The following PREPL variants were observed in gnomAD, a reference collection of about 807,000 sequenced individuals.
The protein encoded by PREPL is prolyl endopeptidase like.
In PREPL, 77 loss-of-function variants were observed where a neutral mutation model predicts 70.6. The ratio of observed to expected loss-of-function variants is 1.09; its 90% confidence interval spans 0.91 to 1.32. The LOEUF (loss-of-function observed/expected upper bound fraction) is 1.32. PREPL is among the 40% of genes most tolerant of loss of function. The pLI, the probability that PREPL is intolerant of heterozygous loss-of-function variation, is 0.00. For synonymous variants in PREPL, 315 were observed against 264.8 expected (o/e 1.19, Z -1.84); for missense variants, 1,002 against 778.2 (o/e 1.29, Z -3.42).
At position 44,319,971 on chromosome 2, in the gene PREPL, T is replaced by G. The variant is rs1022488029; in HGVS notation, c.*1385A>C. The G allele has an allele frequency of 1.1e-5, 6 of 534,552 alleles. No homozygotes were observed. Among genetic ancestry groups the G allele is most frequent in the Non-Finnish European group, 1.7e-5 (5 of 299,204 alleles). 33.1% of individuals were successfully genotyped at this position (534,552 alleles called of 1,614,324 possible). A position where few individuals can be genotyped will look rare whatever the true frequency, so the allele number is the denominator to read the frequency against. ...GAAACTCTACAATGTAGCAGAGCACTGTGCGTACTTATTGACTCCCAGACA... is the reference window on the plus strand; with the variant it reads ...GAAACTCTACAATGTAGCAGAGCACGGTGCGTACTTATTGACTCCCAGACA... On this transcript the variant is annotated 3_prime_UTR_variant, in exon 14 of 14. Coordinates refer to ENST00000409411, the MANE Select transcript of PREPL (RefSeq NM_001171613.2).
At chr2:44,330,557 T>C (rs1673986845) in intron 8 of PREPL, among the ~76,000 whole-genome samples, 1 of 152,250 alleles carries the variant, frequency 6.6e-6, no homozygotes, top group East Asian at 1.9e-4. Context: ...ATTTAAGATT[T>C]GTTCTGTATT....
In PREPL at chr2:44,332,455, C is replaced by T. The variant is rs781546038; in HGVS notation, c.1086+4G>A. On this transcript the variant is annotated splice_donor_region_variant and intron_variant, in intron 8 of 13. Coordinates refer to ENST00000409411, the MANE Select transcript of PREPL (RefSeq NM_001171613.2). ...GAGCTGAAAGTGAAGATTATAAGAC[C>T]TACCTTGCTTTTGGCTTCTAGACGT... 19 of 1,608,600 alleles carry T rather than the reference C, an allele frequency of 1.2e-5. No individual in the cohort carries two copies. The highest frequency in any genetic ancestry group is 1.6e-5 in the Non-Finnish European group (19 of 1,175,316).
intron 1 of PREPL, chr2:44,360,517 C>T (rs900257728): frequency 6.6e-6 from 1 of 152,080 alleles, no homozygotes; most frequent in African/African-American, 2.4e-5. Flanking sequence ...AACAAAAAAC[C>T]CCTGCAAGAT....
Position 44,320,399 on chromosome 2 carries a change from T to C in PREPL, c.*957A>G, listed in dbSNP as rs1225926574. 1 of 1,614,104 alleles carries C rather than the reference T, an allele frequency of 6.2e-7. No individual in the cohort carries two copies. On this transcript the variant is annotated 3_prime_UTR_variant, in exon 14 of 14. Coordinates refer to ENST00000409411, the MANE Select transcript of PREPL (RefSeq NM_001171613.2). ...ATTTTGGAGAATCAACACTGTTAAA[T>C]CTACATAATATGATTTCGGGCCTTC...
In PREPL at chr2:44,320,210, T is replaced by C. The variant is rs780866007; in HGVS notation, c.*1146A>G. 2 of 1,613,428 alleles carry C rather than the reference T, an allele frequency of 1.2e-6. No homozygotes were observed. The highest frequency in any genetic ancestry group is 1.7e-6 in the Non-Finnish European group (2 of 1,179,572). On this transcript the variant is annotated 3_prime_UTR_variant, in exon 14 of 14. Coordinates refer to ENST00000409411, the MANE Select transcript of PREPL (RefSeq NM_001171613.2). ...TTTTAAAAAAATAGGTCCAAAAGAC[T>C]CAGCCCAGATCGGCTTTGAAGTTAT... is the stretch of plus-strand genomic sequence containing the variant.
intron 9 of PREPL, among the ~76,000 whole-genome samples, chr2:44,328,083 C>G (rs1393481056): frequency 3.3e-5 from 5 of 149,370 alleles, no homozygotes. Flanking sequence ...GTCAGGAGTT[C>G]GAGACCAGCC....
At chr2:44,334,937 C>T (rs1363544437) in intron 7 of PREPL, among the ~76,000 whole-genome samples, 3 of 152,138 alleles carry the variant, frequency 2.0e-5, no homozygotes, top group African/African-American at 7.2e-5. Flanking sequence ...TTTTATAATG[C>T]ACTCACGCTA....
Position 44,326,686 on chromosome 2 carries a change from A to G in PREPL, c.1479+26T>C, listed in dbSNP as rs377690040. 4.1e-5 allele frequency: 65 copies of G among 1,598,012 alleles called. No individual in the cohort carries two copies. The African/African-American group carries it at 6.8e-4, about 17-fold the overall frequency. On this transcript the variant is annotated intron_variant, in intron 10 of 13. Transcript: ENST00000409411. The stretch of plus-strand genomic sequence containing the variant: ...TGGCTTCACACCTCCCCCATTCTAT[A>G]AACAGTAGAGACAGAGCGTACTCAC...
chr2:44,328,786 A>C, intron 9 of PREPL, 151 bp downstream of exon 9: 2 of 788,706 alleles, frequency 2.5e-6, no homozygotes, highest in South Asian at 5.2e-5. Context: ...TCTGTTAAAG[A>C]ATCAAGTTTC....
Position 44,320,076 on chromosome 2 carries a change from C to T in PREPL, c.*1280G>A. The stretch of plus-strand genomic sequence containing the variant: ...CTACTTATTGATGCTTACAATTTGG[C>T]AATTATAAGGGGCAAAATTGGAGCA... On this transcript the variant is annotated 3_prime_UTR_variant, in exon 14 of 14. Transcript: ENST00000409411. 1.3e-6 allele frequency: 1 copy of T among 773,906 alleles called. No individual in the cohort carries two copies. 47.9% of individuals were successfully genotyped at this position (773,906 alleles called of 1,614,324 possible).
chr2:44,348,876 T>C (rs1676103760), intron 1 of PREPL, among the ~76,000 whole-genome samples: 2 of 152,238 alleles, frequency 1.3e-5, no homozygotes. Context: ...CTCAGTGTTT[T>C]AAGCTTTCAT....
chr2:44,329,665 T>C (rs188386380), intron 8 of PREPL, among the ~76,000 whole-genome samples: 23 of 152,314 alleles, frequency 1.5e-4, no homozygotes, highest in African/African-American at 5.3e-4. Context: ...CATTTAACTT[T>C]ATTAAAAAAA....
chr2:44,344,507 A>T lies in PREPL; in HGVS notation c.142+13T>A. On this transcript the variant is annotated intron_variant, in intron 3 of 13. Transcript: ENST00000409411. ...GAAAATTAGAGCACGTAAAAAGAAA[A>T]ATTGTGGTGTACCTTCTTCATCTTT... 6.5e-7 allele frequency: 1 copy of T among 1,549,280 alleles called. No individual in the cohort carries two copies. Among genetic ancestry groups the T allele is most frequent in the Non-Finnish European group, 8.7e-7 (1 of 1,149,254 alleles).
Position 44,322,719 on chromosome 2 carries a change from G to T in PREPL, c.1753+12C>A. 6.2e-7 allele frequency: 1 copy of T among 1,611,226 alleles called. No individual in the cohort carries two copies. ...GTTTGGCCATGTTCCCTGCTTCTAG[G>T]GGGTCTCCTACCTTCACCTGTGTCC... On this transcript the variant is annotated intron_variant, in intron 12 of 13. Transcript: ENST00000409411.
In PREPL at chr2:44,319,319, T is replaced by G. The variant is rs1672717225; in HGVS notation, c.*2037A>C. The G allele has an allele frequency of 6.6e-6, 1 of 152,618 alleles. No individual in the cohort carries two copies. The highest frequency in any genetic ancestry group is 2.1e-4 in the South Asian group (1 of 4,830). 9.5% of individuals were successfully genotyped at this position (152,618 alleles called of 1,614,324 possible). The stretch of plus-strand genomic sequence containing the variant: ...TTATGAAGAATAATTTGGCATTATG[T>G]ATCAAGTGCCCATACTCTTTGACAA... On this transcript the variant is annotated 3_prime_UTR_variant, in exon 14 of 14. Coordinates refer to ENST00000409411, the MANE Select transcript of PREPL (RefSeq NM_001171613.2).
chr2:44,346,405 G>A lies in PREPL; in HGVS notation c.-48-15C>T. ...GGCTGAAGATCCTGGAAAAAGTTTT[G>A]TTATGATCAAAATATTTCAAACTAG... On this transcript the variant is annotated splice_polypyrimidine_tract_variant and intron_variant, in intron 1 of 13. Transcript: ENST00000409411. 6.2e-7 allele frequency: 1 copy of A among 1,608,916 alleles called. No homozygotes were observed. Among genetic ancestry groups the A allele is most frequent in the Non-Finnish European group, 8.5e-7 (1 of 1,178,370 alleles).
At chr2:44,344,609 T>G in intron 2 of PREPL, 23 bp from the exon 3 acceptor site, 2 of 1,526,190 alleles carry the variant, frequency 1.3e-6, no homozygotes, top group South Asian at 2.5e-5. Flanking sequence ...ACATGCAGTT[T>G]ACTTAATAAT....
intron 5 of PREPL, among the ~76,000 whole-genome samples, chr2:44,341,049 A>G (rs1675166983): frequency 6.6e-6 from 1 of 152,026 alleles, no homozygotes; most frequent in Non-Finnish European, 1.5e-5. Context: ...CTTGAGTTTA[A>G]TATTTTACGT....
At chr2:44,323,444 G>T (rs1572842006) in intron 10 of PREPL, 33 bp from the exon 11 acceptor site, 2 of 1,520,392 alleles carry the variant, frequency 1.3e-6, no homozygotes, top group South Asian at 2.5e-5. Context: ...TATACTTCAA[G>T]TAAGAGGTTG....
Sources: gnomAD v4.1 joint callset for allele counts (sites outside exome capture counted in the v4.1 genomes callset) on GRCh38, gnomAD v4.1.1 for gene constraint, MANE v1.5 for transcripts, NCBI Gene and HGNC (gene_info 2026-07-23, HGNC 2026-07-21) for gene names.